The following HGS variants were observed in gnomAD, a reference collection of about 807,000 sequenced individuals.
The protein encoded by HGS is hepatocyte growth factor-regulated tyrosine kinase substrate.
In HGS, 63 loss-of-function variants were observed where a neutral mutation model predicts 109.7. The observed-to-expected ratio is 0.57, with a 90% CI of 0.47 to 0.71. The LOEUF (loss-of-function observed/expected upper bound fraction) is 0.71. Ranked by LOEUF, HGS falls within the 30% of genes least tolerant of loss-of-function variation. HGS has a pLI of 0.00. For synonymous variants in HGS, 546 were observed against 437.3 expected, an observed-to-expected ratio of 1.25 and a Z score of -3.10; for missense variants, 995 against 1,068.3, an observed-to-expected ratio of 0.93 and a Z score of 0.96.
Position 81,693,539 on chromosome 17 carries a change from G to A in HGS, c.699G>A (p.Leu233=), listed in dbSNP as rs752562945. 1 of 1,613,104 alleles carries A rather than the reference G, an allele frequency of 6.2e-7. No individual in the cohort carries two copies. Among genetic ancestry groups the A allele is most frequent in the East Asian group, 2.2e-5 (1 of 44,874 alleles). ...GAAAGGCCACTTCCACCACTGAGCT[G>A]CCCCCCGAGTACCTGACCAGCCCCC... ...AEGKATSTTE[L]PPEYLTSPLS... is the part of the protein sequence containing the mutation. Residue 233 remains leucine (L), a synonymous_variant, in exon 9 of 22, where the codon CTG becomes CTA. Transcript: ENST00000329138.
At chr17:81,690,433 A>T in intron 6 of HGS, 199 bp downstream of exon 6, 1 of 657,054 alleles carries the variant, frequency 1.5e-6, no homozygotes, top group African/African-American at 1.8e-5. Context: ...GAGGGCCTTT[A>T]GAGTGGCTAG....
chr17:81,693,424 C>T (rs1289033490), intron 8 of HGS, 79 bp from the exon 9 acceptor site: 1 of 1,059,116 alleles, frequency 9.4e-7, no homozygotes, highest in Middle Eastern at 2.5e-4. Context: ...GAGGAGCCCG[C>T]AGAGGTGTGG....
At chr17:81,694,566 A>C (rs577046969) in intron 11 of HGS, among the ~76,000 whole-genome samples, 5 of 152,246 alleles carry the variant, frequency 3.3e-5, no homozygotes, top group African/African-American at 1.2e-4. Context: ...GCCCAGTGCC[A>C]CCCTGTTCCT....
chr17:81,690,246 C>T lies in HGS; in HGVS notation c.468+12C>T, dbSNP rs369036840. Reference sequence around the variant, plus strand: ...TTGCTGCCGAGAGAGTGAGTGTGGGCGGCCGCCAGGGGTTCTGGAGTCGGG... The same window carrying T: ...TTGCTGCCGAGAGAGTGAGTGTGGGTGGCCGCCAGGGGTTCTGGAGTCGGG... On this transcript the variant is annotated intron_variant, in intron 6 of 21. Transcript: ENST00000329138. 40 of 1,613,248 alleles carry T rather than the reference C, an allele frequency of 2.5e-5. No individual in the cohort carries two copies. Among genetic ancestry groups the T allele is most frequent in the Non-Finnish European group, 3.1e-5 (37 of 1,179,486 alleles).
chr17:81,700,039 C>T (rs2037210474), intron 18 of HGS, among the ~76,000 whole-genome samples: 1 of 148,546 alleles, frequency 6.7e-6, no homozygotes, highest in Admixed American at 6.8e-5. Context: ...CGCGCCACTG[C>T]ACTCCAGCCT....
intron 4 of HGS, among the ~76,000 whole-genome samples, chr17:81,687,481 G>T (rs112205185): frequency 0.017 from 2,556 of 152,316 alleles, 26 homozygotes; most frequent in Non-Finnish European, 0.024. Context: ...GGTCCGGAGG[G>T]CAGGCTGGCC....
chr17:81,695,293 CA>C, intron 14 of HGS, 70 bp downstream of exon 14: 6 of 1,489,272 alleles, frequency 4.0e-6, no homozygotes, highest in Non-Finnish European at 5.6e-6. Flanking sequence ...AGGCACATGG[CA>C]CAGGTGCCTG....
chr17:81,688,753 C>A lies in HGS; in HGVS notation c.341C>A (p.Ala114Asp). ...AACAAGATCCTGTACCTGATCCAGG[C>A]CTGGGCGCATGCCTTCCGGAACGAG... ...VRNKILYLIQ[A>D]WAHAFRNEPK... Residue 114 changes from alanine (A) to aspartate (D), a missense_variant, in exon 5 of 22, where the codon GCC becomes GAC. Transcript: ENST00000329138. 3 of 1,614,114 alleles carry A rather than the reference C, an allele frequency of 1.9e-6. No homozygotes were observed.
chr17:81,696,269 A>G, intron 15 of HGS, 88 bp from the exon 16 acceptor site: 1 of 1,414,916 alleles, frequency 7.1e-7, no homozygotes, highest in Non-Finnish European at 9.3e-7. Context: ...GGTTGGGCAC[A>G]GGGCGGCCCA....
At chr17:81,687,476 G>A (rs1411801805) in intron 4 of HGS, among the ~76,000 whole-genome samples, 1 of 152,172 alleles carries the variant, frequency 6.6e-6, no homozygotes, top group African/African-American at 2.4e-5. Flanking sequence ...GCTGTGGTCC[G>A]GAGGGCAGGC....
At chr17:81,697,107 G>T in intron 18 of HGS, 109 bp downstream of exon 18, 1 of 1,171,624 alleles carries the variant, frequency 8.5e-7, no homozygotes, top group Non-Finnish European at 1.2e-6. Flanking sequence ...CAGTTGCCCC[G>T]ATGTGAATGT....
At chr17:81,694,705 C>A in intron 11 of HGS, 110 bp from the exon 12 acceptor site, 1 of 1,327,228 alleles carries the variant, frequency 7.5e-7, no homozygotes, top group Non-Finnish European at 1.1e-6. Flanking sequence ...GGAGGGAGGG[C>A]CCAGGCTGCG....
intron 5 of HGS, among the ~76,000 whole-genome samples, chr17:81,689,406 G>C (rs2037030792): frequency 6.6e-6 from 1 of 152,340 alleles, no homozygotes; most frequent in African/African-American, 2.4e-5. Flanking sequence ...TGTTTCTTAA[G>C]GGTCCCTCTC....
At chr17:81,687,248 A>G (rs900721383) in intron 4 of HGS, among the ~76,000 whole-genome samples, 153 bp downstream of exon 4, 2 of 152,242 alleles carry the variant, frequency 1.3e-5, no homozygotes, top group Admixed American at 1.3e-4. Flanking sequence ...GCTCGCACTC[A>G]TGAGTCGGAG....
At chr17:81,701,242 A>AG (rs754841813) in intron 21 of HGS, 111 bp downstream of exon 21, 4 of 1,011,278 alleles carry the variant, frequency 4.0e-6, no homozygotes, top group Non-Finnish European at 6.1e-6. Flanking sequence ...GTCTGCTCAC[A>AG]GGGGGAGACG....
chr17:81,694,763 C>T (rs373362723), intron 11 of HGS, 52 bp from the exon 12 acceptor site: 333 of 1,612,308 alleles, frequency 2.1e-4, no homozygotes, highest in Non-Finnish European at 2.7e-4. Flanking sequence ...CTGTCCCTGC[C>T]GAAGCAACTG....
At chr17:81,698,974 A>G (rs924804087) in intron 18 of HGS, among the ~76,000 whole-genome samples, 3 of 151,992 alleles carry the variant, frequency 2.0e-5, no homozygotes, top group African/African-American at 7.3e-5. Flanking sequence ...GGCTGAGGCA[A>G]GAGAATCACT....
At chr17:81,696,575 C>T (rs368793331) in intron 16 of HGS, 32 bp from the exon 17 acceptor site, 73 of 1,561,124 alleles carry the variant, frequency 4.7e-5, no homozygotes, top group South Asian at 3.4e-4. Flanking sequence ...TGGGGGACCT[C>T]GCAGCATAAC....
At position 81,688,613 on chromosome 17, in the gene HGS, A is replaced by G. The variant is rs753533764; in HGVS notation, c.292-91A>G. ...GCCTCTGTGTCAGCCCCATCTGCTC[A>G]GAGGCTGAGGTCTGCCAGCTGCTTC... is the stretch of plus-strand genomic sequence containing the variant. On this transcript the variant is annotated intron_variant, in intron 4 of 21. Coordinates refer to ENST00000329138, the MANE Select transcript of HGS (RefSeq NM_004712.5). 6.1e-5 allele frequency: 92 copies of G among 1,519,038 alleles called. No homozygotes were observed. The Middle Eastern group carries it at 9.3e-4, about 15-fold the overall frequency. The allele number at this position is 1,519,038 out of a possible 1,614,324, so 94.1% of individuals were successfully genotyped here. A position where few individuals can be genotyped will look rare whatever the true frequency, so the allele number is the denominator to read the frequency against.
Sources: gnomAD v4.1 joint callset for allele counts (sites outside exome capture counted in the v4.1 genomes callset) on GRCh38, gnomAD v4.1.1 for gene constraint, MANE v1.5 for transcripts, NCBI Gene and HGNC (gene_info 2026-07-23, HGNC 2026-07-21) for gene names.